Variants in MYO5C observed in about 807,000 individuals in gnomAD.
MYO5C encodes myosin VC.
Under a neutral mutation model 235.7 loss-of-function variants are expected in MYO5C, and 194 were observed. The ratio of observed to expected loss-of-function variants is 0.82; its 90% confidence interval spans 0.73 to 0.93. MYO5C has a LOEUF of 0.93. Among genes scored for constraint, MYO5C ranks in the 40% least tolerant of loss-of-function variants. The probability of loss-of-function intolerance (pLI) is 0.00; values close to 1 mark genes in which losing one functional copy is unlikely to be tolerated. For missense variants in MYO5C, 2,038 were observed against 2,127.2 expected (o/e 0.96, Z 0.82); for synonymous variants, 707 against 754.8 (o/e 0.94, Z 1.04).
intron 15 of MYO5C, 126 bp downstream of exon 15, chr15:52,247,332 G>A: frequency 1.7e-6 from 2 of 1,146,744 alleles, no homozygotes; most frequent in Non-Finnish European, 2.5e-6. Flanking sequence ...TGGAGTCCAT[G>A]TTAGATTGGA....
intron 36 of MYO5C, among the ~76,000 whole-genome samples, chr15:52,207,658 A>G (rs1416696649): frequency 6.6e-6 from 1 of 152,222 alleles, no homozygotes; most frequent in African/African-American, 2.4e-5. Flanking sequence ...ACAAATCATA[A>G]AAGAATAGGA....
rs1053130837 is a variant in MYO5C, at chr15:52,223,691, A to T, written c.3480T>A (p.Asp1160Glu). 1 of 1,613,966 alleles carries T rather than the reference A, an allele frequency of 6.2e-7. No homozygotes were observed. The highest frequency in any genetic ancestry group is 1.3e-5 in the African/African-American group (1 of 74,914). Reference protein sequence around the residue: ...VLESHFQSQKDCYEKEIEALN... With the variant: ...VLESHFQSQKECYEKEIEALN... ...AAGCTTCAATCTCCTTTTCATAGCA[A>T]TCCTTCTGAGACTGGAAATGGCTCT... Residue 1160 changes from aspartate (D) to glutamate (E), a missense_variant, in exon 29 of 41, where the codon GAT (aspartate) becomes GAA (glutamate). Coordinates refer to ENST00000261839, the MANE Select transcript of MYO5C (RefSeq NM_018728.4).
At position 52,213,226 on chromosome 15, in the gene MYO5C, C is replaced by G. The variant is rs1410830839; in HGVS notation, c.4103G>C (p.Arg1368Thr). 11 of 1,614,030 alleles carry G rather than the reference C, an allele frequency of 6.8e-6. No individual in the cohort carries two copies. The highest frequency in any genetic ancestry group is 9.3e-6 in the Non-Finnish European group (11 of 1,180,018). ...CTGAATGAGCTTGGCCTCGTCTTCT[C>G]TCTTGTATTGCAGCATTCCAAGGTA... is the stretch of plus-strand genomic sequence containing the variant. Reference protein sequence around the residue: ...KEYLGMLQYKREDEAKLIQNL... With the variant: ...KEYLGMLQYKTEDEAKLIQNL... Residue 1368 changes from arginine (R) to threonine (T), a missense_variant, in exon 34 of 41, where the codon AGA (arginine) becomes ACA (threonine). By Grantham distance (71) the Arg-to-Thr change is moderately conservative. Transcript: ENST00000261839.
chr15:52,260,987 G>A lies in MYO5C; in HGVS notation c.1188C>T (p.Asn396=), dbSNP rs560516622. The A allele has an allele frequency of 1.3e-5, 21 of 1,614,210 alleles. No homozygotes were observed. Among genetic ancestry groups the A allele is most frequent in the Middle Eastern group, 1.6e-4 (1 of 6,062 alleles). ...TCTTTTTGGCCAGTGCATCCCTGGCGTTGACAGCCTGAGGCCTGGTCATGG... is the reference window on the plus strand; with the variant it reads ...TCTTTTTGGCCAGTGCATCCCTGGCATTGACAGCCTGAGGCCTGGTCATGG... ...VKPMTRPQAV[N]ARDALAKKIY... The change falls in exon 10 of 41, where the codon AAC becomes AAT. Residue 396 remains asparagine, a synonymous_variant. Transcript: ENST00000261839.
At position 52,193,751 on chromosome 15, in the gene MYO5C, T is replaced by C. The variant is rs371323981; in HGVS notation, c.*151A>G. 1.3e-5 allele frequency: 10 copies of C among 753,866 alleles called. No homozygotes were observed. Among genetic ancestry groups the C allele is most frequent in the African/African-American group, 9.0e-5 (5 of 55,746 alleles). 46.7% of individuals were successfully genotyped at this position (753,866 alleles called of 1,614,324 possible). On this transcript the variant is annotated 3_prime_UTR_variant, in exon 41 of 41. Coordinates refer to ENST00000261839, the MANE Select transcript of MYO5C (RefSeq NM_018728.4). ...AAAATTACAGGAGCAGCATTGTCAC[T>C]GTGAGTGAGAGATGATGTGGTCCAT...
At chr15:52,235,536 C>T (rs2036061006) in intron 23 of MYO5C, 134 bp downstream of exon 23, 1 of 598,506 alleles carries the variant, frequency 1.7e-6, no homozygotes, top group Admixed American at 2.9e-5. Context: ...TATGGCTATT[C>T]CTTGTGAGCA....
intron 19 of MYO5C, 118 bp downstream of exon 19, chr15:52,244,238 A>C (rs1011646599): frequency 3.2e-6 from 3 of 933,024 alleles, no homozygotes; most frequent in Admixed American, 5.0e-5. Flanking sequence ...GGACCCATGC[A>C]CGTCTGCACC....
At position 52,223,516 on chromosome 15, in the gene MYO5C, C is replaced by T. The variant is rs777054865; in HGVS notation, c.3627+28G>A. ...AAGAACAACTCTAGTATGATGGCCA[C>T]GACTGGGGCCCCTGGCTGAGACCAT... On this transcript the variant is annotated intron_variant, in intron 29 of 40. Coordinates refer to ENST00000261839, the MANE Select transcript of MYO5C (RefSeq NM_018728.4). The T allele has an allele frequency of 1.3e-5, 21 of 1,600,776 alleles. 1 individual carries two copies. The highest frequency in any genetic ancestry group is 1.2e-4 in the South Asian group (11 of 89,076).
Position 52,244,369 on chromosome 15 carries a change from G to GTGATT in MYO5C, c.2376_2377insAATCA (p.Gln793AsnfsTer6), listed in dbSNP as rs775920789. On this transcript the variant is annotated frameshift_variant, in exon 19 of 41. Coordinates refer to ENST00000261839, the MANE Select transcript of MYO5C (RefSeq NM_018728.4). LOFTEE classifies it high-confidence loss of function. ...ATTCCAACATACCTCACAGTTTGCT[G>GTGATT]ACCCCGGAAGTACTGCTGGATTATC... The GTGATT allele has an allele frequency of 1.9e-6, 3 of 1,612,864 alleles. No homozygotes were observed. The highest frequency in any genetic ancestry group is 2.5e-6 in the Non-Finnish European group (3 of 1,179,674).
At chr15:52,199,780 T>A (rs1004665814) in intron 38 of MYO5C, among the ~76,000 whole-genome samples, 1 of 152,160 alleles carries the variant, frequency 6.6e-6, no homozygotes, top group Non-Finnish European at 1.5e-5. Context: ...AAGGGAAACT[T>A]CCCTTCCAAT....
chr15:52,276,942 C>T lies in MYO5C; in HGVS notation c.450-1224G>A, dbSNP rs570593916. ...TCATTTAAGCTTCACAAAAATCCTA[C>T]GACATAGATATCTCTTTTACAGAAG... On this transcript the variant is annotated intron_variant, in intron 4 of 40. Transcript: ENST00000261839. Among the ~76,000 whole-genome samples the T allele has an allele frequency of 6.9e-4, 105 of 152,000 alleles. 2 individuals carry two copies. The highest frequency in any genetic ancestry group is 5.2e-3 in the Admixed American group (79 of 15,252).
At chr15:52,264,436 A>G (rs1242808472) in intron 8 of MYO5C, 140 bp from the exon 9 acceptor site, 1 of 657,260 alleles carries the variant, frequency 1.5e-6, no homozygotes, top group East Asian at 2.7e-5. Context: ...CCCCAGGGGC[A>G]TCTGGGGCAC....
chr15:52,207,372 GCCT>G (rs1409510414), intron 36 of MYO5C, among the ~76,000 whole-genome samples: 2 of 152,274 alleles, frequency 1.3e-5, no homozygotes, highest in South Asian at 2.1e-4. Flanking sequence ...ACTAGTCTGT[GCCT>G]CCTCCTGTTT....
chr15:52,279,147 C>T (rs1051489872), intron 3 of MYO5C, 130 bp from the exon 4 acceptor site: 28 of 947,094 alleles, frequency 3.0e-5, no homozygotes, highest in African/African-American at 8.3e-5. Flanking sequence ...AGTCACTTCA[C>T]GCACTGAATT....
rs1295897723 is a variant in MYO5C at position 52,244,401 on chromosome 15, G to A, written c.2345C>T (p.Ala782Val). ...QRKKFLRERR[A>V]ALIIQQYFRG... ...GAAGTACTGCTGGATTATCAGGGCG[G>A]CTCGTCTCTCTCGGAGGAATTTTTT... The change falls in exon 19 of 41, where the codon GCC becomes GTC. Residue 782 changes from alanine (A) to valine (V), a missense_variant. Coordinates refer to ENST00000261839, the MANE Select transcript of MYO5C (RefSeq NM_018728.4). The A allele has an allele frequency of 1.1e-5, 17 of 1,613,814 alleles. No individual in the cohort carries two copies. Among genetic ancestry groups the A allele is most frequent in the Middle Eastern group, 3.4e-4 (2 of 5,954 alleles).
Position 52,242,168 on chromosome 15 carries a change from T to C in MYO5C, c.2436A>G (p.Ile812Met), listed in dbSNP as rs746099723. The C allele has an allele frequency of 4.3e-6, 7 of 1,613,992 alleles. 1 individual carries two copies. Among genetic ancestry groups the C allele is most frequent in the Non-Finnish European group, 5.1e-6 (6 of 1,179,968 alleles). The change falls in exon 20 of 41, where the codon ATA (isoleucine) becomes ATG (methionine). Residue 812 changes from isoleucine to methionine, a missense_variant. By Grantham distance (10) the Ile-to-Met change is conservative. Transcript: ENST00000261839. Reference protein sequence around the residue: ...AVALKEAWAAIIIQKHCRGYL... With the variant: ...AVALKEAWAAMIIQKHCRGYL... ...ACCCGCGGCAGTGCTTCTGAATGAT[T>C]ATGGCTGCCCAAGCTTCTTTTAAGG... is the stretch of plus-strand genomic sequence containing the variant.
intron 1 of MYO5C, among the ~76,000 whole-genome samples, chr15:52,285,679 C>G (rs182747477): frequency 2.0e-5 from 3 of 152,230 alleles, no homozygotes; most frequent in South Asian, 2.1e-4. Context: ...CTGTGTTGGC[C>G]GGGCTGGTCT....
At chr15:52,198,963 G>T (rs144420583) in intron 38 of MYO5C, among the ~76,000 whole-genome samples, 1 of 151,702 alleles carries the variant, frequency 6.6e-6, no homozygotes, top group African/African-American at 2.4e-5. Context: ...GCACGATCTC[G>T]GTTCACTGCA....
chr15:52,206,035 A>G (rs2035304548), intron 36 of MYO5C, 69 bp from the exon 37 acceptor site: 2 of 985,644 alleles, frequency 2.0e-6, no homozygotes, highest in Non-Finnish European at 2.9e-6. Context: ...ATCAGCTACT[A>G]TAACTCTTTT....
Sources: gnomAD v4.1 joint callset for allele counts (sites outside exome capture counted in the v4.1 genomes callset) on GRCh38, gnomAD v4.1.1 for gene constraint, MANE v1.5 for transcripts, NCBI Gene and HGNC (gene_info 2026-07-23, HGNC 2026-07-21) for gene names.